TLE4: variants seen among roughly 807,000 people sequenced by gnomAD.
TLE4 encodes TLE family member 4, transcriptional corepressor.
Under a neutral mutation model 92.8 loss-of-function variants are expected in TLE4, and 8 were observed. The ratio of observed to expected loss-of-function variants is 0.09; its 90% CI spans 0.05 to 0.16. The LOEUF (loss-of-function observed/expected upper bound fraction) is 0.16, where lower values mean the gene tolerates loss of function less well. Among genes scored for constraint, TLE4 ranks in the 10% least tolerant of loss-of-function variants. The pLI, the probability that TLE4 is intolerant of heterozygous loss-of-function variation, is 1.00. For synonymous variants in TLE4, 371 were observed against 374.1 expected, an observed-to-expected ratio of 0.99 and a Z score of 0.10; for missense variants, 675 against 997.6, an observed-to-expected ratio of 0.68 and a Z score of 4.36.
rs2076414013 is a variant in TLE4, at chr9:79,726,863, T to G, written c.*1719T>G. ...AAGGGAGATTGTTGTTAAAGTAAAG[T>G]GGTTTTTTTTGTTGTTAAAGTAATG... On this transcript the variant is annotated 3_prime_UTR_variant, in exon 20 of 20. Coordinates refer to ENST00000376552, the MANE Select transcript of TLE4 (RefSeq NM_007005.6). 6.6e-6 allele frequency: 1 copy of G among 152,434 alleles called. No individual in the cohort carries two copies. The highest frequency in any genetic ancestry group is 1.5e-5 in the Non-Finnish European group (1 of 68,050). 9.4% of individuals were successfully genotyped at this position (152,434 alleles called of 1,614,324 possible).
intron 11 of TLE4, 198 bp downstream of exon 11, chr9:79,707,097 T>G: frequency 1.2e-6 from 2 of 1,610,596 alleles, no homozygotes; most frequent in South Asian, 1.1e-5. Context: ...TGAGTGTTTA[T>G]TTTATGATTC....
chr9:79,608,573 T>C (rs1334465988), intron 4 of TLE4, among the ~76,000 whole-genome samples: 1 of 152,058 alleles, frequency 6.6e-6, no homozygotes, highest in East Asian at 1.9e-4. Flanking sequence ...GATTCATCTT[T>C]AAAAAAATTT....
chr9:79,576,933 A>C (rs1019233714), intron 4 of TLE4: 23 of 151,792 alleles, frequency 1.5e-4, no homozygotes, highest in Admixed American at 1.4e-3. Context: ...AATAGCGGGT[A>C]TATCTATCTA....
chr9:79,628,873 AGTGTGTGTGTGTGTGTGTGTGTGTGT>A (rs34212290), intron 6 of TLE4, among the ~76,000 whole-genome samples: 4 of 147,996 alleles, frequency 2.7e-5, no homozygotes, highest in African/African-American at 1.0e-4. Context: ...TTTAAAGTTA[AGTGTGTGTGTGTGTGTGTGTGTGTGT>A]GTGTGTGTGT....
rs1428392206 is a variant in TLE4, at chr9:79,575,345, G to A, written c.207+409G>A. On this transcript the variant is annotated intron_variant, in intron 3 of 19. Transcript: ENST00000376552. ...ACATTGTAAATGTCTTATTATTAAA[G>A]ACATTATTAAAAAATAATGTTTTAT... Among the ~76,000 whole-genome samples, 3 of 152,084 alleles carry A rather than the reference G, an allele frequency of 2.0e-5. No individual in the cohort carries two copies. In the East Asian group the frequency reaches 5.8e-4, roughly 29 times the overall value.
intron 8 of TLE4, among the ~76,000 whole-genome samples, chr9:79,691,375 A>C (rs2067047708): frequency 6.6e-6 from 1 of 152,202 alleles, no homozygotes; most frequent in Non-Finnish European, 1.5e-5. Flanking sequence ...TGTTGTTTTT[A>C]ATTGCAAAGG....
intron 4 of TLE4, among the ~76,000 whole-genome samples, chr9:79,597,904 G>A (rs1334928282): frequency 1.3e-5 from 2 of 151,986 alleles, no homozygotes; most frequent in South Asian, 2.1e-4. Context: ...TTCCATGAAT[G>A]TTAGGATGGT....
At chr9:79,608,138 T>C (rs1367526264) in intron 4 of TLE4, among the ~76,000 whole-genome samples, 1 of 152,080 alleles carries the variant, frequency 6.6e-6, no homozygotes, top group Non-Finnish European at 1.5e-5. Context: ...ATTAGTTTTA[T>C]GTGTTACATG....
At chr9:79,724,849 TAAAAAAAAAAAAAAAAAA>T (rs947971071) in intron 19 of TLE4, among the ~76,000 whole-genome samples, 170 bp from the exon 20 acceptor site, 39 of 25,982 alleles carry the variant, frequency 1.5e-3, no homozygotes, top group African/African-American at 4.4e-3. Context: ...CCTGTCTTAT[TAAAAAAAAAAAAAAAAAA>T]AAAAAAAAAA....
chr9:79,631,861 G>T (rs1295304661), intron 6 of TLE4, among the ~76,000 whole-genome samples: 2 of 148,640 alleles, frequency 1.3e-5, no homozygotes, highest in Non-Finnish European at 3.0e-5. Flanking sequence ...TAAATATGTG[G>T]GTATATATAA....
Position 79,718,769 on chromosome 9 carries a change from C to G in TLE4, c.1388C>G (p.Pro463Arg). Reference protein sequence around the residue: ...VSADGQMQPVPFPPDALIGPG... With the variant: ...VSADGQMQPVRFPPDALIGPG... Reference sequence around the variant, plus strand: ...GCAGATGGTCAGATGCAGCCTGTCCCTTTTCCACCCGACGCCCTCATCGGA... The same window carrying G: ...GCAGATGGTCAGATGCAGCCTGTCCGTTTTCCACCCGACGCCCTCATCGGA... The change falls in exon 15 of 20, where the codon CCT becomes CGT. Residue 463 changes from proline to arginine, a missense_variant. Pro to Arg is a moderately radical substitution (Grantham distance 103). Around this residue, in one of 5 missense-constraint regions of TLE4, gnomAD observed 119 missense variants for 175.9 expected, o/e 0.68. Transcript: ENST00000376552. 3 of 1,614,160 alleles carry G rather than the reference C, an allele frequency of 1.9e-6. No homozygotes were observed. Among genetic ancestry groups the G allele is most frequent in the Non-Finnish European group, 2.5e-6 (3 of 1,180,042 alleles).
At chr9:79,654,346 A>G (rs1239374663) in intron 8 of TLE4, among the ~76,000 whole-genome samples, 1 of 152,088 alleles carries the variant, frequency 6.6e-6, no homozygotes, top group African/African-American at 2.4e-5. Context: ...CATGTGAAAA[A>G]AAAATAACTG....
chr9:79,639,493 A>G (rs1191902550), intron 6 of TLE4, among the ~76,000 whole-genome samples: 1 of 152,164 alleles, frequency 6.6e-6, no homozygotes, highest in Admixed American at 6.6e-5. Flanking sequence ...GTGTAGAGTA[A>G]TTATAAAGTC....
At chr9:79,669,792 C>G (rs887136371) in intron 8 of TLE4, among the ~76,000 whole-genome samples, 7 of 152,106 alleles carry the variant, frequency 4.6e-5, no homozygotes, top group African/African-American at 1.7e-4. Flanking sequence ...GTGGGAATGG[C>G]CCAATTGTTT....
chr9:79,606,751 C>A (rs1490561880), intron 4 of TLE4, among the ~76,000 whole-genome samples: 1 of 152,004 alleles, frequency 6.6e-6, no homozygotes, highest in Non-Finnish European at 1.5e-5. Flanking sequence ...GTATATGTAC[C>A]ACATTTTCTT....
Position 79,572,061 on chromosome 9 carries a change from T to G in TLE4, c.-730T>G, listed in dbSNP as rs2035987538. 6.6e-6 allele frequency: 1 copy of G among 151,934 alleles called. No homozygotes were observed. The highest frequency in any genetic ancestry group is 2.4e-5 in the African/African-American group (1 of 41,336). The allele number at this position is 151,934 out of a possible 1,614,324, so 9.4% of individuals were successfully genotyped here. On this transcript the variant is annotated 5_prime_UTR_variant, in exon 1 of 20. Transcript: ENST00000376552. ...ACTTGTATATTATTTTGAGGTGGTGTTCGCAGAGTTTGAAAGGAGAGAGAA... is the reference window on the plus strand; with the variant it reads ...ACTTGTATATTATTTTGAGGTGGTGGTCGCAGAGTTTGAAAGGAGAGAGAA...
At chr9:79,629,801 T>C (rs2053699879) in intron 6 of TLE4, among the ~76,000 whole-genome samples, 1 of 152,206 alleles carries the variant, frequency 6.6e-6, no homozygotes, top group Non-Finnish European at 1.5e-5. Flanking sequence ...TGACAAATTT[T>C]TGCTGCTGAG....
chr9:79,671,995 CTTTTTTTTTTTT>C lies in TLE4; in HGVS notation c.609+17938_609+17949del, dbSNP rs773064446. ...CTTTTTAGGCCATTGAAACAAAACA[CTTTTTTTTTTTT>C]TTTTTTTTTTTTTTTTTGCAGAGGT... is the stretch of plus-strand genomic sequence containing the variant. On this transcript the variant is annotated intron_variant, in intron 8 of 19. Coordinates refer to ENST00000376552, the MANE Select transcript of TLE4 (RefSeq NM_007005.6). 2.1e-4 allele frequency among the ~76,000 whole-genome samples: 7 copies of C among 33,694 alleles called. No homozygotes were observed. In the East Asian group the frequency reaches 3.2e-3, roughly 15 times the overall value. The allele number at this position is 33,694 out of a possible 152,430, so 22.1% of individuals were successfully genotyped here. A position where few individuals can be genotyped will look rare whatever the true frequency, so the allele number is the denominator to read the frequency against.
chr9:79,707,289 G>A (rs942369329), intron 11 of TLE4: 6 of 1,261,586 alleles, frequency 4.8e-6, no homozygotes, highest in South Asian at 2.5e-5. Flanking sequence ...TACATATGAC[G>A]GCAATAATTT....
Sources: allele counts gnomAD v4.1 joint callset (sites outside exome capture counted in the v4.1 genomes callset), GRCh38; gene constraint gnomAD v4.1.1; regional missense constraint gnomAD v4.1.1; transcripts MANE v1.5; gene names NCBI Gene and HGNC (gene_info 2026-07-23, HGNC 2026-07-21).